Variants in ADAMTS18 observed in about 807,000 individuals in gnomAD.
The protein encoded by ADAMTS18 is A disintegrin and metalloproteinase with thrombospondin motifs 18.
In ADAMTS18, 157 loss-of-function variants were observed where a neutral mutation model predicts 165.9. The ratio of observed to expected loss-of-function variants is 0.95; its 90% CI spans 0.83 to 1.08. ADAMTS18 has a LOEUF of 1.08. ADAMTS18 is among the 50% of genes least tolerant of loss of function. The probability of loss-of-function intolerance (pLI) is 0.00; values close to 1 mark genes in which losing one functional copy is unlikely to be tolerated. For missense variants in ADAMTS18, 2,040 were observed against 1,534.0 expected, an observed-to-expected ratio of 1.33 and a Z score of -5.51; for synonymous variants, 782 against 578.2, an observed-to-expected ratio of 1.35 and a Z score of -5.06.
At chr16:77,286,475 A>AAATGGAATTACCTTCTTT (rs1391457206) in intron 22 of ADAMTS18, among the ~76,000 whole-genome samples, 1 of 152,194 alleles carries the variant, frequency 6.6e-6, no homozygotes, top group Non-Finnish European at 1.5e-5. Flanking sequence ...CATGTGTGAA[A>AAATGGAATTACCTTCTTT]AATGGAATTA....
At chr16:77,302,578 C>CT (rs2055605353) in intron 16 of ADAMTS18, among the ~76,000 whole-genome samples, 1 of 152,180 alleles carries the variant, frequency 6.6e-6, no homozygotes. Context: ...CTCAACTGCA[C>CT]TTTCTAGTAT....
At chr16:77,425,137 C>G (rs1028768555) in intron 3 of ADAMTS18, among the ~76,000 whole-genome samples, 34 of 152,274 alleles carry the variant, frequency 2.2e-4, no homozygotes, top group African/African-American at 8.2e-4. Context: ...AACCCAGGCT[C>G]TCTGGAGAAT....
chr16:77,352,163 T>G (rs1033680576), intron 10 of ADAMTS18, among the ~76,000 whole-genome samples: 8 of 152,064 alleles, frequency 5.3e-5, no homozygotes, highest in Non-Finnish European at 1.2e-4. Context: ...GAAACTGTAA[T>G]AGAAAAAAAA....
At chr16:77,323,383 G>C (rs2056037750) in intron 13 of ADAMTS18, among the ~76,000 whole-genome samples, 1 of 152,162 alleles carries the variant, frequency 6.6e-6, no homozygotes, top group Admixed American at 6.5e-5. Flanking sequence ...AATTATCACA[G>C]TCCAAATATG....
intron 3 of ADAMTS18, among the ~76,000 whole-genome samples, chr16:77,373,771 CACAGTTTACTGGCTTTAT>C (rs2056910749): frequency 6.6e-6 from 1 of 152,146 alleles, no homozygotes; most frequent in African/African-American, 2.4e-5. Flanking sequence ...AATCTCAGGT[CACAGTTTACTGGCTTTAT>C]GTCTATCTTC....
At chr16:77,406,845 A>G (rs191542907) in intron 3 of ADAMTS18, among the ~76,000 whole-genome samples, 1,594 of 152,188 alleles carry the variant, frequency 0.01, 18 homozygotes, top group Non-Finnish European at 0.017. Flanking sequence ...ACAAAGAAAC[A>G]GAAAGCCAAA....
intron 9 of ADAMTS18, among the ~76,000 whole-genome samples, 162 bp from the exon 10 acceptor site, chr16:77,354,048 TC>T (rs2056594228): frequency 6.6e-6 from 1 of 152,078 alleles, no homozygotes. Flanking sequence ...AAAGAGTGAG[TC>T]CTGTCTAAGA....
chr16:77,376,299 T>C (rs986011458), intron 3 of ADAMTS18, among the ~76,000 whole-genome samples: 2 of 152,168 alleles, frequency 1.3e-5, no homozygotes, highest in Non-Finnish European at 2.9e-5. Context: ...AAACTCACTA[T>C]CATGAGAATA....
intron 3 of ADAMTS18, among the ~76,000 whole-genome samples, chr16:77,405,867 A>C (rs539837472): frequency 6.6e-6 from 1 of 152,258 alleles, no homozygotes; most frequent in East Asian, 1.9e-4. Flanking sequence ...TTATGACCTC[A>C]TTTAACCTTC....
intron 7 of ADAMTS18, among the ~76,000 whole-genome samples, chr16:77,361,717 C>G (rs1467659542): frequency 6.6e-6 from 1 of 152,114 alleles, no homozygotes; most frequent in Admixed American, 6.6e-5. Flanking sequence ...AAACCCGTCT[C>G]TACTAAAAAT....
chr16:77,306,069 G>A (rs1164243474), intron 16 of ADAMTS18, among the ~76,000 whole-genome samples: 1 of 152,174 alleles, frequency 6.6e-6, no homozygotes, highest in South Asian at 2.1e-4. Context: ...CGTGCCGCAT[G>A]TCGGAGTGTA....
At chr16:77,423,301 C>G (rs1345419385) in intron 3 of ADAMTS18, among the ~76,000 whole-genome samples, 3 of 152,116 alleles carry the variant, frequency 2.0e-5, no homozygotes, top group Non-Finnish European at 4.4e-5. Flanking sequence ...TAGGCTGAAA[C>G]TCTTTTCTGC....
chr16:77,419,640 C>T (rs1165353754), intron 3 of ADAMTS18, among the ~76,000 whole-genome samples: 1 of 152,118 alleles, frequency 6.6e-6, no homozygotes. Flanking sequence ...GCAAAAACTC[C>T]TTCCCAGAAA....
intron 3 of ADAMTS18, among the ~76,000 whole-genome samples, chr16:77,404,725 T>C (rs1302945032): frequency 6.6e-6 from 1 of 152,164 alleles, no homozygotes; most frequent in East Asian, 1.9e-4. Flanking sequence ...GTGCACTCTG[T>C]GATCCTTTGC....
At chr16:77,398,914 G>A (rs1432541263) in intron 3 of ADAMTS18, among the ~76,000 whole-genome samples, 3 of 152,126 alleles carry the variant, frequency 2.0e-5, no homozygotes, top group Non-Finnish European at 4.4e-5. Context: ...GAGAAAAACC[G>A]TCATAGGGTA....
At chr16:77,340,843 C>T (rs1156265403) in intron 11 of ADAMTS18, among the ~76,000 whole-genome samples, 1 of 152,166 alleles carries the variant, frequency 6.6e-6, no homozygotes, top group African/African-American at 2.4e-5. Flanking sequence ...GTTGGGATTA[C>T]AGGTATGAGC....
At chr16:77,408,081 G>T (rs779788038) in intron 3 of ADAMTS18, among the ~76,000 whole-genome samples, 25 of 152,100 alleles carry the variant, frequency 1.6e-4, no homozygotes, top group African/African-American at 3.6e-4. Context: ...GACAAAAGAG[G>T]ATATCTAAAT....
chr16:77,397,971 G>C (rs936065241), intron 3 of ADAMTS18, among the ~76,000 whole-genome samples: 2 of 152,072 alleles, frequency 1.3e-5, no homozygotes, highest in African/African-American at 4.8e-5. Context: ...TTGAGTTTGG[G>C]ACACCCAATA....
chr16:77,433,508 C>G (rs1161004020), intron 2 of ADAMTS18: 1 of 152,152 alleles, frequency 6.6e-6, no homozygotes, highest in African/African-American at 2.4e-5. Flanking sequence ...GTGGCTGGGT[C>G]GGACGTGGCC....
Sources: allele counts gnomAD v4.1 joint callset (sites outside exome capture counted in the v4.1 genomes callset), GRCh38; gene constraint gnomAD v4.1.1; transcripts MANE v1.5; gene names NCBI Gene and HGNC (gene_info 2026-07-23, HGNC 2026-07-21).